ABL2: variants seen among roughly 807,000 people sequenced by gnomAD.
ABL2 encodes the protein tyrosine-protein kinase ABL2.
ABL2 carries 49 observed loss-of-function variants against 107.7 expected under a neutral mutation model. That is an observed-to-expected ratio of 0.45 (90% CI 0.36 to 0.58). The LOEUF (loss-of-function observed/expected upper bound fraction) is 0.58, where lower values mean the gene tolerates loss of function less well. ABL2 is among the 20% of genes least tolerant of loss of function. The probability of loss-of-function intolerance (pLI) is 0.00; values close to 1 mark genes in which losing one functional copy is unlikely to be tolerated. For synonymous variants in ABL2, 549 were observed against 548.6 expected (o/e 1.00, Z -0.01); for missense variants, 1,245 against 1,457.0 (o/e 0.85, Z 2.37).
chr1:179,173,510 G>A (rs563394402), intron 1 of ABL2, among the ~76,000 whole-genome samples: 3 of 132,756 alleles, frequency 2.3e-5, no homozygotes, highest in Non-Finnish European at 4.9e-5. Context: ...TTACAGGCAC[G>A]TGCCGCCACG....
At chr1:179,159,975 A>G (rs1658963709) in intron 1 of ABL2, among the ~76,000 whole-genome samples, 1 of 152,040 alleles carries the variant, frequency 6.6e-6, no homozygotes, top group Admixed American at 6.6e-5. Context: ...TTAGCTGGGT[A>G]TGACGGCATG....
At chr1:179,135,210 G>C (rs1161799065) in intron 1 of ABL2, among the ~76,000 whole-genome samples, 1 of 151,922 alleles carries the variant, frequency 6.6e-6, no homozygotes, top group Non-Finnish European at 1.5e-5. Context: ...GATGTGAGGA[G>C]CCCCTCTGCC....
At chr1:179,229,195 C>CCA in intron 1 of ABL2, 46 bp downstream of exon 1, 2 of 1,309,050 alleles carry the variant, frequency 1.5e-6, no homozygotes, top group Non-Finnish European at 2.0e-6. Flanking sequence ...CCGACCCCAC[C>CCA]CCCGGCCTCC....
chr1:179,112,383 G>A lies in ABL2; in HGVS notation c.1577C>T (p.Pro526Leu). ...TTCAGCAAAAGAGGGCCTATCGGCA[G>A]GGCTCCACTTCCAGCCTATGTAACA... ...ELMRACWKWS[P>L]ADRPSFAETH... is the part of the protein sequence containing the mutation. The change falls in exon 10 of 12, where the codon CCT becomes CTT. Residue 526 changes from proline to leucine, a missense_variant. Around this residue, in one of 3 missense-constraint regions of ABL2, gnomAD observed 320 missense variants for 547.0 expected, o/e 0.59. Transcript: ENST00000502732. 6.2e-7 allele frequency: 1 copy of A among 1,613,782 alleles called. No homozygotes were observed.
intron 3 of ABL2, among the ~76,000 whole-genome samples, chr1:179,127,391 A>C (rs1484069610): frequency 4.6e-5 from 7 of 152,148 alleles, no homozygotes; most frequent in African/African-American, 1.7e-4. Flanking sequence ...ATTCCACATT[A>C]AAATCAGTGT....
intron 1 of ABL2, among the ~76,000 whole-genome samples, chr1:179,218,545 C>T (rs767412029): frequency 1.6e-4 from 25 of 152,100 alleles, no homozygotes; most frequent in South Asian, 1.4e-3. Context: ...TACAGGCGTA[C>T]GCCACCACGC....
chr1:179,142,981 A>G (rs1446305916), intron 1 of ABL2: 1 of 1,614,124 alleles, frequency 6.2e-7, no homozygotes, highest in Non-Finnish European at 8.5e-7. Context: ...CACAGGCAGC[A>G]AAGTGAAGTG....
intron 1 of ABL2, among the ~76,000 whole-genome samples, chr1:179,147,921 G>C (rs1444883478): frequency 6.6e-6 from 1 of 152,066 alleles, no homozygotes; most frequent in Non-Finnish European, 1.5e-5. Flanking sequence ...AATAGTATAA[G>C]TACATGTTGT....
chr1:179,216,393 C>T (rs1250743606), intron 1 of ABL2, among the ~76,000 whole-genome samples: 4 of 152,150 alleles, frequency 2.6e-5, no homozygotes, highest in Admixed American at 2.6e-4. Flanking sequence ...AAAAAGGCAA[C>T]CAAGAGTTTT....
chr1:179,215,651 T>C (rs1309411680), intron 1 of ABL2, among the ~76,000 whole-genome samples: 5 of 151,372 alleles, frequency 3.3e-5, no homozygotes. Context: ...GCTGAGATCA[T>C]GCCACTGCAC....
At chr1:179,125,733 C>T (rs778950354) in intron 4 of ABL2, among the ~76,000 whole-genome samples, 3 of 152,206 alleles carry the variant, frequency 2.0e-5, no homozygotes, top group Non-Finnish European at 4.4e-5. Context: ...GATCTGCTTG[C>T]TCCAAAGCCT....
intron 1 of ABL2, among the ~76,000 whole-genome samples, chr1:179,160,475 A>G (rs1264759148): frequency 1.3e-5 from 2 of 152,162 alleles, no homozygotes; most frequent in Non-Finnish European, 2.9e-5. Context: ...ATATAAATAT[A>G]TAATTATTAG....
chr1:179,206,385 CAT>C (rs779919191), intron 1 of ABL2, among the ~76,000 whole-genome samples: 19 of 151,752 alleles, frequency 1.3e-4, no homozygotes, highest in Admixed American at 3.3e-4. Flanking sequence ...CATACTAGCA[CAT>C]GTCTAAAATG....
intron 1 of ABL2, chr1:179,183,747 G>A (rs542277898): frequency 6.5e-6 from 1 of 152,814 alleles, no homozygotes; most frequent in East Asian, 1.9e-4. Flanking sequence ...AGGAGCAGGG[G>A]AAAAGATCAC....
chr1:179,118,198 G>C (rs917493393), intron 7 of ABL2, among the ~76,000 whole-genome samples: 2 of 150,226 alleles, frequency 1.3e-5, no homozygotes, highest in African/African-American at 4.9e-5. Context: ...AAGGATCTTG[G>C]ATACAGTGCT....
chr1:179,215,299 C>T (rs774988089), intron 1 of ABL2, among the ~76,000 whole-genome samples: 1 of 152,122 alleles, frequency 6.6e-6, no homozygotes, highest in Non-Finnish European at 1.5e-5. Context: ...AAACACCTAT[C>T]GAACCACAAA....
intron 1 of ABL2, among the ~76,000 whole-genome samples, chr1:179,186,487 T>C (rs376472224): frequency 6.6e-5 from 10 of 152,102 alleles, no homozygotes; most frequent in Admixed American, 3.3e-4. Context: ...CAAGCGATTC[T>C]CCTTCCTCAG....
chr1:179,201,813 G>A (rs896270812), intron 1 of ABL2: 1 of 1,078,116 alleles, frequency 9.3e-7, no homozygotes, highest in Non-Finnish European at 1.3e-6. Context: ...TGGCCATAAA[G>A]GTGTGGCTAT....
At chr1:179,174,538 GTATACATATA>G (rs1023099508) in intron 1 of ABL2, among the ~76,000 whole-genome samples, 13 of 152,008 alleles carry the variant, frequency 8.6e-5, no homozygotes, top group Admixed American at 2.6e-4. Context: ...ATATGTGTGT[GTATACATATA>G]TATACATATA....
Sources: allele counts gnomAD v4.1 joint callset (sites outside exome capture counted in the v4.1 genomes callset), GRCh38; gene constraint gnomAD v4.1.1; regional missense constraint gnomAD v4.1.1; transcripts MANE v1.5; gene names NCBI Gene and HGNC (gene_info 2026-07-23, HGNC 2026-07-21).